The following CDH10 variants were observed in gnomAD, a reference collection of about 807,000 sequenced individuals.
The protein encoded by CDH10 is cadherin 10, also known as cadherin-10.
Under a neutral mutation model 73.1 loss-of-function variants are expected in CDH10, and 30 were observed. The ratio of observed to expected loss-of-function variants is 0.41; its 90% confidence interval spans 0.31 to 0.56. CDH10 has a LOEUF of 0.56. CDH10 is among the 20% of genes least tolerant of loss of function. The probability of loss-of-function intolerance (pLI) is 0.27; values close to 1 mark genes in which losing one functional copy is unlikely to be tolerated. For synonymous variants in CDH10, 345 were observed against 348.2 expected, an observed-to-expected ratio of 0.99 and a Z score of 0.10; for missense variants, 815 against 973.7, an observed-to-expected ratio of 0.84 and a Z score of 2.17.
chr5:24,608,958 G>A (rs1156432819), intron 1 of CDH10, among the ~76,000 whole-genome samples: 2 of 152,134 alleles, frequency 1.3e-5, no homozygotes, highest in African/African-American at 4.8e-5. Flanking sequence ...TCTTTGAGCT[G>A]GAGGCTTTGG....
chr5:24,519,741 A>C (rs894767655), intron 5 of CDH10, among the ~76,000 whole-genome samples: 3 of 152,236 alleles, frequency 2.0e-5, no homozygotes, highest in African/African-American at 7.2e-5. Flanking sequence ...ATTATGTAGA[A>C]TTGATGGATG....
chr5:24,541,901 A>G (rs1429810390), intron 2 of CDH10, among the ~76,000 whole-genome samples: 2 of 152,120 alleles, frequency 1.3e-5, no homozygotes, highest in Non-Finnish European at 1.5e-5. Context: ...ACTGCACTGC[A>G]CATTTAAAAG....
intron 2 of CDH10, among the ~76,000 whole-genome samples, chr5:24,558,585 T>C (rs1323001534): frequency 1.3e-5 from 2 of 151,676 alleles, no homozygotes; most frequent in African/African-American, 4.8e-5. Context: ...TTCCAAAGGA[T>C]GTAAGTATAT....
intron 1 of CDH10, among the ~76,000 whole-genome samples, chr5:24,627,345 A>G (rs2112185165): frequency 6.6e-6 from 1 of 152,284 alleles, no homozygotes; most frequent in Non-Finnish European, 1.5e-5. Flanking sequence ...TAAATGCTTA[A>G]ATCCTACTTA....
chr5:24,638,543 GA>G (rs1747942126), intron 1 of CDH10, among the ~76,000 whole-genome samples: 1 of 151,792 alleles, frequency 6.6e-6, no homozygotes, highest in African/African-American at 2.4e-5. Context: ...AGTCTTGGTT[GA>G]GGGGGTAGAT....
chr5:24,583,058 AT>A (rs201157784), intron 2 of CDH10, among the ~76,000 whole-genome samples: 7 of 152,154 alleles, frequency 4.6e-5, no homozygotes, highest in African/African-American at 9.6e-5. Context: ...TATATTAGTA[AT>A]TTTTTTTAAA....
intron 1 of CDH10, among the ~76,000 whole-genome samples, chr5:24,610,579 A>AT (rs1746909135): frequency 6.6e-6 from 1 of 152,216 alleles, no homozygotes; most frequent in Non-Finnish European, 1.5e-5. Context: ...ACCGAATGGA[A>AT]TTATGATCTG....
rs1380073158 is a variant in CDH10, at chr5:24,616,562, C to T, written c.-123-22949G>A. 2.0e-5 allele frequency among the ~76,000 whole-genome samples: 3 copies of T among 150,352 alleles called. No homozygotes were observed. The East Asian group carries it at 5.8e-4, about 29-fold the overall frequency. Reference sequence around the variant, plus strand: ...ATTAGTAGATTGCAATTTTTTTTTTCAAAATCTGCACATACCTCATACTTT... The same window carrying T: ...ATTAGTAGATTGCAATTTTTTTTTTTAAAATCTGCACATACCTCATACTTT... On this transcript the variant is annotated intron_variant, in intron 1 of 11. Coordinates refer to ENST00000264463, the MANE Select transcript of CDH10 (RefSeq NM_006727.5).
At chr5:24,570,094 T>C (rs1344970304) in intron 2 of CDH10, among the ~76,000 whole-genome samples, 1 of 152,138 alleles carries the variant, frequency 6.6e-6, no homozygotes, top group Admixed American at 6.5e-5. Flanking sequence ...ATGAGATTTG[T>C]TTTTGTCTGA....
At chr5:24,497,923 G>C (rs1045595997) in intron 9 of CDH10, among the ~76,000 whole-genome samples, 3 of 152,198 alleles carry the variant, frequency 2.0e-5, no homozygotes, top group Non-Finnish European at 4.4e-5. Context: ...CAATATGTAA[G>C]TCTAAGGAGG....
chr5:24,623,694 T>C (rs185508349), intron 1 of CDH10, among the ~76,000 whole-genome samples: 1 of 152,312 alleles, frequency 6.6e-6, no homozygotes, highest in Non-Finnish European at 1.5e-5. Context: ...GAATATCTCT[T>C]ACCTTGCAGA....
chr5:24,535,252 A>G lies in CDH10; in HGVS notation c.674T>C (p.Met225Thr). 1 of 1,612,974 alleles carries G rather than the reference A, an allele frequency of 6.2e-7. No individual in the cohort carries two copies. The highest frequency in any genetic ancestry group is 1.7e-5 in the Admixed American group (1 of 59,802). The change falls in exon 5 of 12, where the codon ATG (methionine) becomes ACG (threonine). Residue 225 changes from methionine to threonine, a missense_variant. Transcript: ENST00000264463. ...TGIIRTALPNMNRENREQYQV... is the reference protein window; with the variant it reads ...TGIIRTALPNTNRENREQYQV... The stretch of plus-strand genomic sequence containing the variant: ...GTATTGCTCTCTGTTTTCTCTGTTC[A>G]TGTTCGGTAAAGCAGTCCTGATGAT...
intron 1 of CDH10, among the ~76,000 whole-genome samples, chr5:24,604,890 A>AAC (rs1554025157): frequency 7.9e-4 from 114 of 144,124 alleles, no homozygotes; most frequent in East Asian, 5.2e-3. Flanking sequence ...AAAAAAAAAA[A>AAC]AAAAACAAAA....
At chr5:24,573,600 C>G (rs971800770) in intron 2 of CDH10, among the ~76,000 whole-genome samples, 2 of 150,446 alleles carry the variant, frequency 1.3e-5, no homozygotes, top group African/African-American at 4.9e-5. Flanking sequence ...ACTCCGGAGG[C>G]TGAGGCAGGA....
At chr5:24,635,266 G>A (rs1025440131) in intron 1 of CDH10, among the ~76,000 whole-genome samples, 22 of 151,852 alleles carry the variant, frequency 1.4e-4, no homozygotes, top group Admixed American at 1.2e-3. Flanking sequence ...GTAATGCACT[G>A]CCTCTGTTCA....
At chr5:24,595,973 T>C (rs1746357442) in intron 1 of CDH10, among the ~76,000 whole-genome samples, 1 of 151,908 alleles carries the variant, frequency 6.6e-6, no homozygotes. Context: ...ATGATAAATG[T>C]CCTGAAGAAT....
intron 2 of CDH10, among the ~76,000 whole-genome samples, chr5:24,548,665 C>A (rs1303992212): frequency 2.0e-5 from 3 of 151,996 alleles, no homozygotes; most frequent in African/African-American, 7.2e-5. Flanking sequence ...CAACTGTGTA[C>A]CACATCTTAG....
chr5:24,535,948 T>C (rs1289479784), intron 3 of CDH10, 126 bp from the exon 4 acceptor site: 1 of 545,050 alleles, frequency 1.8e-6, no homozygotes, highest in African/African-American at 1.9e-5. Context: ...CTTTCATATA[T>C]AATTTGGATG....
chr5:24,535,704 T>C lies in CDH10; in HGVS notation c.645A>G (p.Thr215=). ...AAACAGCAATTCATGATTCCTGACC[T>C]GTTTCAGGCTCCACAGAGAAATAGG... ...GQPYFSVEPE[T]GIIRTALPNM... is the part of the protein sequence containing the mutation. The change falls in exon 4 of 12, where the codon ACA becomes ACG. Residue 215 remains threonine, a splice_region_variant and synonymous_variant. Coordinates refer to ENST00000264463, the MANE Select transcript of CDH10 (RefSeq NM_006727.5). The C allele has an allele frequency of 6.2e-7, 1 of 1,608,098 alleles. No individual in the cohort carries two copies. Among genetic ancestry groups the C allele is most frequent in the Non-Finnish European group, 8.5e-7 (1 of 1,177,072 alleles).
Sources: allele counts gnomAD v4.1 joint callset (sites outside exome capture counted in the v4.1 genomes callset), GRCh38; gene constraint gnomAD v4.1.1; transcripts MANE v1.5; gene names NCBI Gene and HGNC (gene_info 2026-07-23, HGNC 2026-07-21).